The following PTPRM variants were observed in gnomAD, a reference collection of about 807,000 sequenced individuals.
PTPRM encodes protein tyrosine phosphatase receptor type M, also known as receptor-type tyrosine-protein phosphatase mu.
A neutral mutation model predicts 186.7 loss-of-function variants in PTPRM; 47 were observed. The ratio of observed to expected loss-of-function variants is 0.25; its 90% CI spans 0.20 to 0.32. The LOEUF is 0.32. Among genes scored for constraint, PTPRM ranks in the 10% least tolerant of loss-of-function variants. PTPRM has a pLI of 1.00. For missense variants in PTPRM, 1,494 were observed against 1,865.0 expected (o/e 0.80, Z 3.66); for synonymous variants, 668 against 674.9 (o/e 0.99, Z 0.16).
At chr18:8,185,872 T>C (rs1021496863) in intron 14 of PTPRM, among the ~76,000 whole-genome samples, 11 of 152,168 alleles carry the variant, frequency 7.2e-5, no homozygotes, top group Non-Finnish European at 1.5e-5. Context: ...AACGTATAAA[T>C]GAAATGTGTC....
intron 1 of PTPRM, among the ~76,000 whole-genome samples, chr18:7,748,476 C>T (rs930398981): frequency 1.3e-5 from 2 of 151,970 alleles, no homozygotes; most frequent in East Asian, 1.9e-4. Context: ...CTGACAGTGA[C>T]GATGAGGACT....
chr18:7,841,393 G>A (rs571763186), intron 2 of PTPRM, among the ~76,000 whole-genome samples: 116 of 140,968 alleles, frequency 8.2e-4, no homozygotes, highest in African/African-American at 2.9e-3. Context: ...CTGGGTTCAC[G>A]CCATTCTCCT....
rs1457747234 is a variant in PTPRM at position 8,252,452 on chromosome 18, C to G, written c.2555-36C>G. ...TGCTTATGCCCTGTTTCCTTTTTCT[C>G]CTCCTTTTTTCTCCTGATATGTATC... On this transcript the variant is annotated intron_variant, in intron 17 of 32. Coordinates refer to ENST00000580170, the MANE Select transcript of PTPRM (RefSeq NM_001105244.2). 2.0e-6 allele frequency: 3 copies of G among 1,514,992 alleles called. No homozygotes were observed. The South Asian group carries it at 3.4e-5, about 17-fold the overall frequency. The allele number at this position is 1,514,992 out of a possible 1,614,324, so 93.8% of individuals were successfully genotyped here.
At chr18:7,597,943 A>G (rs909856367) in intron 1 of PTPRM, among the ~76,000 whole-genome samples, 3 of 152,190 alleles carry the variant, frequency 2.0e-5, no homozygotes, top group Non-Finnish European at 4.4e-5. Context: ...AATAACTCAT[A>G]TTAGCATTAA....
chr18:7,599,081 CA>C (rs1372187813), intron 1 of PTPRM, among the ~76,000 whole-genome samples: 1 of 152,078 alleles, frequency 6.6e-6, no homozygotes, highest in Non-Finnish European at 1.5e-5. Flanking sequence ...TTCTTGGCCT[CA>C]ACCAGATTAG....
chr18:7,627,972 A>C (rs984415406), intron 1 of PTPRM, among the ~76,000 whole-genome samples: 2 of 152,154 alleles, frequency 1.3e-5, no homozygotes, highest in African/African-American at 4.8e-5. Context: ...ATTTGAAAAC[A>C]AAAAGCCACC....
intron 23 of PTPRM, chr18:8,366,708 C>T (rs532311556): frequency 2.6e-5 from 4 of 152,336 alleles, no homozygotes; most frequent in African/African-American, 9.6e-5. Flanking sequence ...CACATCTATT[C>T]CTGCCGCCCT....
chr18:7,937,573 C>A (rs1367305748), intron 5 of PTPRM, among the ~76,000 whole-genome samples: 1 of 152,232 alleles, frequency 6.6e-6, no homozygotes, highest in Admixed American at 6.5e-5. Flanking sequence ...AGTGGGCCCG[C>A]TGGGCCCGAG....
chr18:7,575,600 T>A (rs780021682), intron 1 of PTPRM, among the ~76,000 whole-genome samples: 13 of 152,214 alleles, frequency 8.5e-5, no homozygotes, highest in South Asian at 2.1e-4. Context: ...CTAATCTACA[T>A]GTAGTGGTAA....
chr18:7,600,852 G>A (rs899343347), intron 1 of PTPRM, among the ~76,000 whole-genome samples: 38 of 152,234 alleles, frequency 2.5e-4, no homozygotes, highest in African/African-American at 8.7e-4. Context: ...CTGCACTTGT[G>A]TCTACCTGGG....
chr18:7,942,883 A>AC (rs2052278133), intron 5 of PTPRM, among the ~76,000 whole-genome samples: 1 of 152,010 alleles, frequency 6.6e-6, no homozygotes, highest in Admixed American at 6.6e-5. Flanking sequence ...TTGCTGCCTT[A>AC]CGCGTGTCTT....
intron 1 of PTPRM, among the ~76,000 whole-genome samples, chr18:7,644,630 G>T (rs117085486): frequency 6.6e-6 from 1 of 152,138 alleles, no homozygotes; most frequent in East Asian, 1.9e-4. Flanking sequence ...GAGTCCCTTG[G>T]AAAGACTAAA....
chr18:7,794,487 G>A (rs774798694), intron 2 of PTPRM, among the ~76,000 whole-genome samples: 21 of 152,126 alleles, frequency 1.4e-4, no homozygotes, highest in Non-Finnish European at 2.8e-4. Context: ...TTCCACCTGG[G>A]TATGTCGTGG....
intron 2 of PTPRM, among the ~76,000 whole-genome samples, chr18:7,791,514 C>T (rs2043344353): frequency 6.6e-6 from 1 of 152,108 alleles, no homozygotes; most frequent in Non-Finnish European, 1.5e-5. Context: ...TTCCAAGATT[C>T]TAGATGTCAA....
intron 7 of PTPRM, among the ~76,000 whole-genome samples, chr18:8,027,545 T>TA (rs2085647418): frequency 6.6e-6 from 1 of 152,248 alleles, no homozygotes; most frequent in African/African-American, 2.4e-5. Context: ...CCATTTCTGC[T>TA]AACATATTGC....
chr18:7,710,972 C>T (rs1486616909), intron 1 of PTPRM, among the ~76,000 whole-genome samples: 2 of 152,114 alleles, frequency 1.3e-5, no homozygotes, highest in African/African-American at 4.8e-5. Context: ...GACCATACTG[C>T]CAAAAGCAAG....
intron 1 of PTPRM, among the ~76,000 whole-genome samples, chr18:7,772,399 CTTTCTTTCTTTCT>C (rs2042351655): frequency 2.1e-5 from 2 of 94,606 alleles, no homozygotes; most frequent in South Asian, 4.4e-4. Context: ...TTCTTTCTTT[CTTTCTTTCTTTCT>C]TTTCTTTCTT....
chr18:8,317,011 T>C lies in PTPRM; in HGVS notation c.2919+2154T>C, dbSNP rs181761090. ...TGGGGGCCTGCGGAGTTCCATGATA[T>C]GGGGAGAGGTCATGGGCCAGGTCAG... is the stretch of plus-strand genomic sequence containing the variant. On this transcript the variant is annotated intron_variant, in intron 21 of 32. Transcript: ENST00000580170. Among the ~76,000 whole-genome samples the C allele has an allele frequency of 1.4e-3, 210 of 152,176 alleles. 2 individuals are homozygous for C. In the South Asian group the frequency reaches 0.02, roughly 15 times the overall value.
intron 2 of PTPRM, among the ~76,000 whole-genome samples, chr18:7,837,874 G>A (rs62090905): frequency 0.054 from 8,230 of 152,194 alleles, 310 homozygotes; most frequent in Non-Finnish European, 0.088. Flanking sequence ...TCTGTATCCG[G>A]GCATGGAAGA....
Sources: allele counts gnomAD v4.1 joint callset (sites outside exome capture counted in the v4.1 genomes callset), GRCh38; gene constraint gnomAD v4.1.1; transcripts MANE v1.5; gene names NCBI Gene and HGNC (gene_info 2026-07-23, HGNC 2026-07-21).